FAM168A: variants seen among roughly 807,000 people sequenced by gnomAD.
The protein encoded by FAM168A is protein FAM168A.
FAM168A carries 3 observed loss-of-function variants against 28.5 expected under a neutral mutation model. The observed-to-expected ratio is 0.11, with a 90% CI of 0.05 to 0.27. FAM168A has a LOEUF of 0.27. Among genes scored for constraint, FAM168A ranks in the 10% least tolerant of loss-of-function variants. The pLI, the probability that FAM168A is intolerant of heterozygous loss-of-function variation, is 1.00. For missense variants in FAM168A, 222 were observed against 311.5 expected, an observed-to-expected ratio of 0.71 and a Z score of 2.16; for synonymous variants, 122 against 124.2, an observed-to-expected ratio of 0.98 and a Z score of 0.12.
chr11:73,562,529 T>G (rs1300197788), intron 1 of FAM168A, among the ~76,000 whole-genome samples: 4 of 152,134 alleles, frequency 2.6e-5, no homozygotes, highest in Non-Finnish European at 5.9e-5. Flanking sequence ...TAACATTCAA[T>G]AAAGAATAGA....
chr11:73,410,674 CAA>C (rs1003305777), intron 5 of FAM168A: 1 of 152,092 alleles, frequency 6.6e-6, no homozygotes, highest in Admixed American at 6.5e-5. Context: ...AAAAATAAAA[CAA>C]GAGGCTTGAG....
intron 1 of FAM168A, among the ~76,000 whole-genome samples, chr11:73,514,944 A>G (rs1027740280): frequency 6.6e-6 from 1 of 152,184 alleles, no homozygotes; most frequent in African/African-American, 2.4e-5. Flanking sequence ...CTTATCAAAG[A>G]AAGATTAACA....
At chr11:73,444,364 A>G (rs1408892710) in intron 2 of FAM168A, among the ~76,000 whole-genome samples, 1 of 152,152 alleles carries the variant, frequency 6.6e-6, no homozygotes, top group Non-Finnish European at 1.5e-5. Flanking sequence ...GTGCCTTATC[A>G]CCCTGCCTTT....
At chr11:73,525,513 T>C (rs1293906017) in intron 1 of FAM168A, among the ~76,000 whole-genome samples, 1 of 152,210 alleles carries the variant, frequency 6.6e-6, no homozygotes, top group African/African-American at 2.4e-5. Context: ...CCTGATTTTA[T>C]TTCTCCAGAA....
intron 1 of FAM168A, among the ~76,000 whole-genome samples, chr11:73,484,567 T>C (rs999492240): frequency 2.1e-5 from 3 of 146,110 alleles, no homozygotes; most frequent in African/African-American, 7.5e-5. Flanking sequence ...TATATCTATA[T>C]ATCTATATAT....
At chr11:73,466,294 T>C (rs1867734811) in intron 2 of FAM168A, among the ~76,000 whole-genome samples, 1 of 152,172 alleles carries the variant, frequency 6.6e-6, no homozygotes, top group Non-Finnish European at 1.5e-5. Flanking sequence ...TAGTTTATCA[T>C]GGGGAAGAGA....
chr11:73,483,969 T>C (rs1363101073), intron 1 of FAM168A, among the ~76,000 whole-genome samples: 2 of 152,186 alleles, frequency 1.3e-5, no homozygotes, highest in Non-Finnish European at 2.9e-5. Flanking sequence ...TATTGTCAGA[T>C]GTAATAATTC....
chr11:73,529,173 G>A (rs1943484735), intron 1 of FAM168A, among the ~76,000 whole-genome samples: 1 of 152,156 alleles, frequency 6.6e-6, no homozygotes, highest in Non-Finnish European at 1.5e-5. Flanking sequence ...CAAACAGCTA[G>A]GAAGAGAAAT....
intron 1 of FAM168A, among the ~76,000 whole-genome samples, chr11:73,571,774 G>A (rs1170224098): frequency 1.3e-5 from 2 of 149,840 alleles, no homozygotes; most frequent in East Asian, 2.0e-4. Flanking sequence ...ATCTCTGCCC[G>A]GCCGCCATCC....
intron 1 of FAM168A, among the ~76,000 whole-genome samples, chr11:73,536,601 C>T (rs199983687): frequency 1.1e-4 from 17 of 152,038 alleles, no homozygotes; most frequent in African/African-American, 3.6e-4. Context: ...GCAGGAGAAT[C>T]GCTTGAACCC....
At chr11:73,540,739 T>G (rs1351841504) in intron 1 of FAM168A, among the ~76,000 whole-genome samples, 1 of 152,174 alleles carries the variant, frequency 6.6e-6, no homozygotes, top group Non-Finnish European at 1.5e-5. Context: ...GCTTTATTTT[T>G]TATTATGGCC....
At chr11:73,517,841 T>C (rs1291961397) in intron 1 of FAM168A, among the ~76,000 whole-genome samples, 1 of 152,200 alleles carries the variant, frequency 6.6e-6, no homozygotes, top group Non-Finnish European at 1.5e-5. Context: ...AAGGGTCAAT[T>C]ACAGAAGCAG....
At chr11:73,508,267 T>G (rs1020891110) in intron 1 of FAM168A, among the ~76,000 whole-genome samples, 8 of 152,160 alleles carry the variant, frequency 5.3e-5, no homozygotes, top group Non-Finnish European at 1.2e-4. Context: ...CTATGAAATG[T>G]TCAGAATGCT....
chr11:73,438,134 T>C (rs1867125662), intron 2 of FAM168A, among the ~76,000 whole-genome samples: 1 of 152,138 alleles, frequency 6.6e-6, no homozygotes, highest in African/African-American at 2.4e-5. Context: ...ATCATCATCA[T>C]CACCATCATC....
chr11:73,562,423 T>G (rs1943969938), intron 1 of FAM168A, among the ~76,000 whole-genome samples: 1 of 152,116 alleles, frequency 6.6e-6, no homozygotes, highest in South Asian at 2.1e-4. Flanking sequence ...CTAGATCTCT[T>G]GCTTCAAGGA....
chr11:73,465,377 G>A (rs1325071537), intron 2 of FAM168A, among the ~76,000 whole-genome samples: 1 of 151,870 alleles, frequency 6.6e-6, no homozygotes, highest in Non-Finnish European at 1.5e-5. Context: ...TGAAGCTTTT[G>A]GAAAAAGAAA....
chr11:73,526,328 A>C (rs1943446633), intron 1 of FAM168A, among the ~76,000 whole-genome samples: 1 of 152,222 alleles, frequency 6.6e-6, no homozygotes, highest in South Asian at 2.1e-4. Flanking sequence ...CAAAAATTAT[A>C]GAGTGATAAT....
At chr11:73,571,843 G>A (rs532400991) in intron 1 of FAM168A, among the ~76,000 whole-genome samples, 2 of 151,850 alleles carry the variant, frequency 1.3e-5, no homozygotes, top group East Asian at 2.0e-4. Context: ...AGTGAGGAGC[G>A]TCTCTGCCTG....
intron 1 of FAM168A, among the ~76,000 whole-genome samples, chr11:73,566,506 C>T (rs376978794): frequency 1.3e-5 from 2 of 152,200 alleles, no homozygotes; most frequent in South Asian, 4.1e-4. Flanking sequence ...GACAATTAAG[C>T]ATCCATTTGT....
Sources: gnomAD v4.1 joint callset for allele counts (sites outside exome capture counted in the v4.1 genomes callset) on GRCh38, gnomAD v4.1.1 for gene constraint, MANE v1.5 for transcripts, NCBI Gene and HGNC (gene_info 2026-07-23, HGNC 2026-07-21) for gene names.